The following SLMAP variants were observed in gnomAD, a reference collection of about 807,000 sequenced individuals.
The protein encoded by SLMAP is sarcolemmal membrane-associated protein.
In SLMAP, 44 loss-of-function variants were observed where a neutral mutation model predicts 128.8. The ratio of observed to expected loss-of-function variants is 0.34; its 90% confidence interval spans 0.27 to 0.44. SLMAP has a LOEUF of 0.44. SLMAP is among the 20% of genes least tolerant of loss of function. SLMAP has a pLI of 1.00. For synonymous variants in SLMAP, 327 were observed against 348.8 expected (o/e 0.94, Z 0.70); for missense variants, 787 against 985.3 (o/e 0.80, Z 2.69).
chr3:57,905,818 C>T (rs776742422), intron 17 of SLMAP, among the ~76,000 whole-genome samples: 3 of 151,908 alleles, frequency 2.0e-5, no homozygotes, highest in Non-Finnish European at 4.4e-5. Context: ...ATTTTACCTC[C>T]CAGGGGACAT....
At chr3:57,837,004 C>G (rs1216991461) in intron 3 of SLMAP, among the ~76,000 whole-genome samples, 3 of 152,216 alleles carry the variant, frequency 2.0e-5, no homozygotes, top group Non-Finnish European at 4.4e-5. Flanking sequence ...CTTAGTTAAG[C>G]TCCTGTGAAC....
At chr3:57,786,858 C>T (rs1219621160) in intron 2 of SLMAP, among the ~76,000 whole-genome samples, 2 of 151,776 alleles carry the variant, frequency 1.3e-5, no homozygotes, top group Non-Finnish European at 2.9e-5. Flanking sequence ...CTCAGCCTCC[C>T]GAGTAGCTGG....
intron 13 of SLMAP, among the ~76,000 whole-genome samples, chr3:57,870,159 T>G (rs567677522): frequency 6.6e-6 from 1 of 152,104 alleles, no homozygotes; most frequent in Non-Finnish European, 1.5e-5. Flanking sequence ...TAAAGTCCTT[T>G]AGTTAAGTTA....
intron 2 of SLMAP, among the ~76,000 whole-genome samples, chr3:57,819,018 A>G (rs2092237073): frequency 2.0e-5 from 3 of 152,242 alleles, no homozygotes; most frequent in African/African-American, 7.2e-5. Flanking sequence ...CTAAACTCAC[A>G]TAAGGAGTTT....
intron 2 of SLMAP, among the ~76,000 whole-genome samples, chr3:57,794,502 A>G (rs1036775479): frequency 1.2e-4 from 19 of 152,186 alleles, no homozygotes; most frequent in Admixed American, 8.5e-4. Context: ...GTATATTCAC[A>G]AAATTGCGCA....
intron 2 of SLMAP, among the ~76,000 whole-genome samples, chr3:57,802,261 AC>A (rs1326970011): frequency 3.3e-5 from 5 of 150,708 alleles, no homozygotes; most frequent in African/African-American, 9.7e-5. Context: ...TTAGGCAACT[AC>A]TAATCTGCTC....
At chr3:57,875,441 T>C (rs1291237133) in intron 14 of SLMAP, among the ~76,000 whole-genome samples, 1 of 152,010 alleles carries the variant, frequency 6.6e-6, no homozygotes, top group African/African-American at 2.4e-5. Flanking sequence ...CTTAAACCCA[T>C]GAGGTTGAGG....
At chr3:57,858,599 G>T (rs2094899328) in intron 8 of SLMAP, among the ~76,000 whole-genome samples, 1 of 152,092 alleles carries the variant, frequency 6.6e-6, no homozygotes, top group Non-Finnish European at 1.5e-5. Flanking sequence ...TTCTTTTTGA[G>T]ATTTTTATCA....
chr3:57,819,652 G>A (rs530860035), intron 2 of SLMAP, among the ~76,000 whole-genome samples: 1 of 152,236 alleles, frequency 6.6e-6, no homozygotes, highest in East Asian at 1.9e-4. Flanking sequence ...CAGTTTATAA[G>A]GCTTTAAACC....
In SLMAP at chr3:57,902,980, AT is replaced by A. The variant is rs1320996203; in HGVS notation, c.1502-4901del. On this transcript the variant is annotated intron_variant, in intron 17 of 24. Transcript: ENST00000671191. The stretch of plus-strand genomic sequence containing the variant: ...AAACTAGAACCAACAAATCATTTTC[AT>A]TTATTTCTCAGATGTTTTATTGACC... 3.3e-5 allele frequency among the ~76,000 whole-genome samples: 5 copies of A among 152,310 alleles called. No individual in the cohort carries two copies. The East Asian group carries it at 7.7e-4, about 24-fold the overall frequency.
chr3:57,811,868 A>G (rs140749389), intron 2 of SLMAP, among the ~76,000 whole-genome samples: 172 of 152,244 alleles, frequency 1.1e-3, no homozygotes, highest in African/African-American at 3.9e-3. Context: ...GCCATCATAT[A>G]TCTTCTTTGG....
At chr3:57,827,143 T>G (rs1577134544) in intron 2 of SLMAP, among the ~76,000 whole-genome samples, 1 of 152,374 alleles carries the variant, frequency 6.6e-6, no homozygotes, top group East Asian at 1.9e-4. Flanking sequence ...TTGTGGCCCC[T>G]GGCCTGTGGT....
chr3:57,912,899 A>G (rs2096730298), intron 20 of SLMAP, among the ~76,000 whole-genome samples, 198 bp downstream of exon 20: 1 of 151,966 alleles, frequency 6.6e-6, no homozygotes, highest in Non-Finnish European at 1.5e-5. Flanking sequence ...ACGGTTTTAT[A>G]TTTTATTTTA....
At position 57,927,370 on chromosome 3, in the gene SLMAP, G is replaced by A. The variant is rs557921655; in HGVS notation, c.*81G>A. The A allele has an allele frequency of 1.0e-5, 16 of 1,586,692 alleles. No individual in the cohort carries two copies. Among genetic ancestry groups the A allele is most frequent in the Non-Finnish European group, 3.4e-6 (4 of 1,159,574 alleles). On this transcript the variant is annotated 3_prime_UTR_variant, in exon 25 of 25. Coordinates refer to ENST00000671191, the MANE Select transcript of SLMAP (RefSeq NM_001377540.1). ...CCATCGTGCTGTACGTGCCAGGTCTGGCCAGAGCTTCTCCATGAGAGCGTT... is the reference window on the plus strand; with the variant it reads ...CCATCGTGCTGTACGTGCCAGGTCTAGCCAGAGCTTCTCCATGAGAGCGTT...
chr3:57,871,502 G>T, intron 13 of SLMAP, 134 bp from the exon 14 acceptor site: 1 of 627,268 alleles, frequency 1.6e-6, no homozygotes, highest in Non-Finnish European at 2.8e-6. Context: ...GTCTGCTTTA[G>T]TATCAAAATA....
At chr3:57,778,405 T>C (rs2082329004) in intron 2 of SLMAP, among the ~76,000 whole-genome samples, 1 of 151,712 alleles carries the variant, frequency 6.6e-6, no homozygotes, top group Admixed American at 6.6e-5. Flanking sequence ...TAGAGATTTA[T>C]CAACATTATT....
chr3:57,794,279 T>G (rs886300474), intron 2 of SLMAP, among the ~76,000 whole-genome samples: 1 of 152,190 alleles, frequency 6.6e-6, no homozygotes, highest in Non-Finnish European at 1.5e-5. Context: ...AGTTTTGGCA[T>G]TTCTATCTTT....
intron 2 of SLMAP, among the ~76,000 whole-genome samples, chr3:57,793,369 A>T (rs1333667255): frequency 6.6e-6 from 1 of 152,206 alleles, no homozygotes; most frequent in African/African-American, 2.4e-5. Context: ...ATGATATTTT[A>T]TAGATTTCAA....
intron 2 of SLMAP, among the ~76,000 whole-genome samples, chr3:57,778,014 G>T (rs994003488): frequency 6.6e-6 from 1 of 152,142 alleles, no homozygotes; most frequent in Admixed American, 6.6e-5. Context: ...TATATTGCTG[G>T]ATTTGATTTG....
Sources: gnomAD v4.1 joint callset for allele counts (sites outside exome capture counted in the v4.1 genomes callset) on GRCh38, gnomAD v4.1.1 for gene constraint, MANE v1.5 for transcripts, NCBI Gene and HGNC (gene_info 2026-07-23, HGNC 2026-07-21) for gene names.